COL8A1: variants seen among roughly 807,000 people sequenced by gnomAD.
COL8A1 encodes the protein collagen alpha-1(VIII) chain.
In COL8A1, 21 loss-of-function variants were observed where a neutral mutation model predicts 42.7. The observed-to-expected ratio is 0.49, with a 90% confidence interval of 0.35 to 0.71. The LOEUF (loss-of-function observed/expected upper bound fraction) is 0.71. COL8A1 is among the 30% of genes least tolerant of loss of function. The pLI is 0.01. For synonymous variants in COL8A1, 367 were observed against 369.1 expected (o/e 0.99, Z 0.06); for missense variants, 788 against 962.4 (o/e 0.82, Z 2.40).
At chr3:99,686,188 A>G (rs1328762331) in intron 1 of COL8A1, among the ~76,000 whole-genome samples, 1 of 152,132 alleles carries the variant, frequency 6.6e-6, no homozygotes, top group African/African-American at 2.4e-5. Flanking sequence ...ATAATAATAG[A>G]ACCATTTTTT....
chr3:99,697,080 G>T (rs1003696152), intron 1 of COL8A1, among the ~76,000 whole-genome samples: 1 of 141,410 alleles, frequency 7.1e-6, no homozygotes, highest in Non-Finnish European at 1.5e-5. Flanking sequence ...TCCGCCTCCC[G>T]GGTTCACGCC....
chr3:99,730,392 T>G (rs1940467105), intron 1 of COL8A1, among the ~76,000 whole-genome samples: 1 of 152,154 alleles, frequency 6.6e-6, no homozygotes, highest in Non-Finnish European at 1.5e-5. Flanking sequence ...GAATACTATA[T>G]ATTTTTTGAA....
intron 1 of COL8A1, chr3:99,703,229 A>T (rs767188916): frequency 2.0e-5 from 3 of 152,218 alleles, no homozygotes; most frequent in Non-Finnish European, 4.4e-5. Flanking sequence ...TTAGACTCCA[A>T]GGAAACATAT....
intron 2 of COL8A1, among the ~76,000 whole-genome samples, chr3:99,756,948 G>T (rs1049940867): frequency 1.3e-5 from 2 of 152,160 alleles, no homozygotes; most frequent in Non-Finnish European, 2.9e-5. Context: ...TACAGAGAAT[G>T]CTCCTTTTAA....
intron 1 of COL8A1, among the ~76,000 whole-genome samples, chr3:99,682,459 T>C (rs929583483): frequency 6.6e-6 from 1 of 152,138 alleles, no homozygotes; most frequent in African/African-American, 2.4e-5. Flanking sequence ...GTCTTAAGCA[T>C]GCTTTTGTCA....
intron 1 of COL8A1, among the ~76,000 whole-genome samples, chr3:99,648,465 G>GT (rs562248230): frequency 3.1e-4 from 46 of 150,754 alleles, no homozygotes; most frequent in African/African-American, 8.8e-4. Context: ...TTTCTTTTTT[G>GT]TTTTTTTTAA....
chr3:99,786,827 G>A (rs528843136), intron 2 of COL8A1, among the ~76,000 whole-genome samples: 2 of 152,246 alleles, frequency 1.3e-5, no homozygotes, highest in Non-Finnish European at 2.9e-5. Flanking sequence ...GCAATCAAGA[G>A]AGAATTTTCT....
intron 1 of COL8A1, among the ~76,000 whole-genome samples, chr3:99,670,784 G>A (rs575227652): frequency 6.6e-6 from 1 of 151,942 alleles, no homozygotes; most frequent in African/African-American, 2.4e-5. Flanking sequence ...CTCAGCCCCT[G>A]CTAACTATTA....
chr3:99,707,999 C>A (rs1396942639), intron 1 of COL8A1, among the ~76,000 whole-genome samples: 1 of 152,054 alleles, frequency 6.6e-6, no homozygotes, highest in African/African-American at 2.4e-5. Context: ...GGATTTTGAC[C>A]TAAAAGTCTT....
chr3:99,768,336 GTATGGGC>G (rs1941503867), intron 2 of COL8A1, among the ~76,000 whole-genome samples: 1 of 152,156 alleles, frequency 6.6e-6, no homozygotes, highest in Non-Finnish European at 1.5e-5. Flanking sequence ...CTGTCAGATG[GTATGGGC>G]TATTGCACAC....
chr3:99,734,651 A>G (rs1348773780), intron 1 of COL8A1, among the ~76,000 whole-genome samples: 1 of 151,924 alleles, frequency 6.6e-6, no homozygotes, highest in Non-Finnish European at 1.5e-5. Flanking sequence ...TTGGTTCCAT[A>G]TGAACTTTAA....
chr3:99,738,043 C>T (rs964798527), intron 1 of COL8A1, among the ~76,000 whole-genome samples: 1 of 152,174 alleles, frequency 6.6e-6, no homozygotes, highest in Non-Finnish European at 1.5e-5. Flanking sequence ...CTGCATTCTT[C>T]ATGTAGTTCT....
intron 1 of COL8A1, among the ~76,000 whole-genome samples, chr3:99,741,137 C>A (rs1385333481): frequency 6.6e-6 from 1 of 152,156 alleles, no homozygotes; most frequent in Non-Finnish European, 1.5e-5. Context: ...GATTTGATAA[C>A]TGAAATTTTA....
chr3:99,662,047 A>G (rs1432738565), intron 1 of COL8A1, among the ~76,000 whole-genome samples: 1 of 152,154 alleles, frequency 6.6e-6, no homozygotes, highest in East Asian at 1.9e-4. Flanking sequence ...GCACAGCTAT[A>G]TTAATATATT....
intron 1 of COL8A1, among the ~76,000 whole-genome samples, chr3:99,706,786 A>C (rs1203430230): frequency 6.6e-6 from 1 of 152,214 alleles, no homozygotes; most frequent in Admixed American, 6.5e-5. Flanking sequence ...GTAACTACTT[A>C]AGAAAGGTTT....
chr3:99,792,045 C>G (rs915740431), intron 3 of COL8A1, among the ~76,000 whole-genome samples: 2 of 152,150 alleles, frequency 1.3e-5, no homozygotes, highest in Non-Finnish European at 2.9e-5. Flanking sequence ...CCAGGGATTC[C>G]TGATTCATCT....
chr3:99,717,723 T>G (rs975921712), intron 1 of COL8A1, among the ~76,000 whole-genome samples: 11 of 151,982 alleles, frequency 7.2e-5, no homozygotes, highest in African/African-American at 2.7e-4. Flanking sequence ...CTTACTCTAG[T>G]GATGGCTCTT....
intron 2 of COL8A1, among the ~76,000 whole-genome samples, chr3:99,765,509 C>A (rs1941447292): frequency 1.3e-5 from 2 of 152,128 alleles, no homozygotes; most frequent in African/African-American, 4.8e-5. Flanking sequence ...CAGTCTAATC[C>A]TTTTTGGAGG....
At chr3:99,727,711 T>A (rs1369051232) in intron 1 of COL8A1, among the ~76,000 whole-genome samples, 1 of 151,942 alleles carries the variant, frequency 6.6e-6, no homozygotes, top group Non-Finnish European at 1.5e-5. Context: ...TAGACCAATA[T>A]CCTTGATGAA....
Sources: gnomAD v4.1 joint callset for allele counts (sites outside exome capture counted in the v4.1 genomes callset) on GRCh38, gnomAD v4.1.1 for gene constraint, MANE v1.5 for transcripts, NCBI Gene and HGNC (gene_info 2026-07-23, HGNC 2026-07-21) for gene names.